Variants in TTC28 observed in about 807,000 individuals in gnomAD.
TTC28 encodes the protein tetratricopeptide repeat domain 28.
A neutral mutation model predicts 198.0 loss-of-function variants in TTC28; 61 were observed. That is an observed-to-expected ratio of 0.31 (90% CI 0.25 to 0.38). The LOEUF (loss-of-function observed/expected upper bound fraction) is 0.38, where lower values mean the gene tolerates loss of function less well. Ranked by LOEUF, TTC28 falls within the 10% of genes least tolerant of loss-of-function variation. The pLI is 1.00. For synonymous variants in TTC28, 1,171 were observed against 1,297.8 expected (o/e 0.90, Z 2.10); for missense variants, 2,678 against 3,164.0 (o/e 0.85, Z 3.69).
At chr22:28,447,210 G>A (rs758502292) in intron 2 of TTC28, among the ~76,000 whole-genome samples, 44 of 151,604 alleles carry the variant, frequency 2.9e-4, no homozygotes, top group Non-Finnish European at 5.6e-4. Context: ...AGAAAGGGAA[G>A]GCAAGTAACA....
intron 13 of TTC28, among the ~76,000 whole-genome samples, chr22:28,018,987 G>A (rs919278277): frequency 3.4e-4 from 52 of 152,338 alleles, no homozygotes; most frequent in African/African-American, 1.1e-3. Flanking sequence ...CACTGCAACA[G>A]TTAAAGCAAC....
intron 2 of TTC28, among the ~76,000 whole-genome samples, chr22:28,436,720 C>T (rs2047526292): frequency 6.6e-6 from 1 of 152,164 alleles, no homozygotes. Flanking sequence ...GAGCTAGGTG[C>T]CATTCACATT....
At position 28,647,860 on chromosome 22, in the gene TTC28, A is replaced by T. The variant is rs530502818; in HGVS notation, c.103-18030T>A. 1.1e-3 allele frequency among the ~76,000 whole-genome samples: 164 copies of T among 151,772 alleles called. 1 individual carries two copies. Among genetic ancestry groups the T allele is most frequent in the African/African-American group, 2.4e-3 (98 of 41,410 alleles). On this transcript the variant is annotated intron_variant, in intron 1 of 22. Transcript: ENST00000397906. ...TCTCAAAAATAAAATAAAATAAAAT[A>T]AAAATTAAAAAAGTGGGCAATAGAC...
Position 27,982,584 on chromosome 22 carries a change from C to G in TTC28, c.7083G>C (p.Lys2361Asn). Residue 2361 changes from lysine to asparagine, a missense_variant, in exon 23 of 23, where the codon AAG (lysine) becomes AAC (asparagine). Around this residue, in one of 8 missense-constraint regions of TTC28, gnomAD observed 622 missense variants for 656.0 expected, o/e 0.95. Coordinates refer to ENST00000397906, the MANE Select transcript of TTC28 (RefSeq NM_001145418.2). The surrounding 1 kb of genome is among the most constrained non-coding windows in gnomAD (Gnocchi z 5.2). ...DEKVQAVHNL[K>N]MFWQSTPQHS... ...GCTGGGGTGTGCTCTGCCAGAACAT[C>G]TTCAGGTTATGGACAGCCTGCACCT... 6.4e-7 allele frequency: 1 copy of G among 1,551,774 alleles called. No individual in the cohort carries two copies. The highest frequency in any genetic ancestry group is 8.7e-7 in the Non-Finnish European group (1 of 1,147,012).
intron 2 of TTC28, among the ~76,000 whole-genome samples, chr22:28,422,099 T>G: frequency 1.3e-5 from 2 of 151,926 alleles, no homozygotes; most frequent in Middle Eastern, 6.9e-3. Context: ...AGGAGAGGAG[T>G]AAATGAATAT....
chr22:28,005,217 C>G lies in TTC28; in HGVS notation c.4219-3664G>C, dbSNP rs185027346. Among the ~76,000 whole-genome samples the G allele has an allele frequency of 1.1e-4, 17 of 152,294 alleles. No homozygotes were observed. The East Asian group carries it at 3.1e-3, about 28-fold the overall frequency. On this transcript the variant is annotated intron_variant, in intron 14 of 22. Transcript: ENST00000397906. This position sits in a 1 kb window ranked among gnomAD's most constrained non-coding sequence, Gnocchi z 4.9. ...CCAGGCAGCAAATGATGCTTGAGAACTTACGGTGTTCCAGGCCAGGTGAGG... is the reference window on the plus strand; with the variant it reads ...CCAGGCAGCAAATGATGCTTGAGAAGTTACGGTGTTCCAGGCCAGGTGAGG...
chr22:28,011,388 G>A (rs1938157210), intron 14 of TTC28, among the ~76,000 whole-genome samples: 1 of 152,168 alleles, frequency 6.6e-6, no homozygotes, highest in Non-Finnish European at 1.5e-5. Flanking sequence ...CTGAGCCCAG[G>A]AGTTTGAAAC....
intron 10 of TTC28, among the ~76,000 whole-genome samples, chr22:28,096,946 A>G (rs1941998172): frequency 6.6e-6 from 1 of 152,072 alleles, no homozygotes. Flanking sequence ...CTGGGATTAC[A>G]GGCACGGGCC....
chr22:28,595,752 C>G (rs2050529406), intron 2 of TTC28, among the ~76,000 whole-genome samples: 1 of 152,118 alleles, frequency 6.6e-6, no homozygotes, highest in African/African-American at 2.4e-5. Flanking sequence ...GGTGAAACCC[C>G]ATCTCTACTA....
At position 28,199,532 on chromosome 22, in the gene TTC28, T is replaced by TAC. The variant is rs1246333294; in HGVS notation, c.934-35934_934-35933insGT. On this transcript the variant is annotated intron_variant, in intron 5 of 22. Coordinates refer to ENST00000397906, the MANE Select transcript of TTC28 (RefSeq NM_001145418.2). ...CTTCAAAAAAAGAAATACCTATACATATATATATATATATATACACACAAA... is the reference window on the plus strand; with the variant it reads ...CTTCAAAAAAAGAAATACCTATACATACATATATATATATATATACACACAAA... 8.9e-5 allele frequency among the ~76,000 whole-genome samples: 13 copies of TAC among 145,768 alleles called. No individual in the cohort carries two copies. In the East Asian group the frequency reaches 2.2e-3, roughly 25 times the overall value.
chr22:28,253,380 T>C (rs1002663917), intron 5 of TTC28, among the ~76,000 whole-genome samples: 10 of 152,202 alleles, frequency 6.6e-5, no homozygotes, highest in Non-Finnish European at 1.0e-4. Context: ...GACTGCAAAT[T>C]GCCTAAATCA....
intron 2 of TTC28, among the ~76,000 whole-genome samples, chr22:28,358,480 G>A (rs1274050635): frequency 6.6e-6 from 1 of 152,174 alleles, no homozygotes; most frequent in Non-Finnish European, 1.5e-5. Flanking sequence ...CTTCTGACTA[G>A]TTCCTTAGAG....
chr22:28,450,163 G>C (rs1428172973), intron 2 of TTC28, among the ~76,000 whole-genome samples: 4 of 152,084 alleles, frequency 2.6e-5, no homozygotes, highest in Non-Finnish European at 5.9e-5. Flanking sequence ...TTGACATGAT[G>C]ATGATGACAT....
intron 5 of TTC28, among the ~76,000 whole-genome samples, chr22:28,184,270 T>C (rs2080321729): frequency 6.6e-6 from 1 of 152,166 alleles, no homozygotes; most frequent in Admixed American, 6.5e-5. Context: ...CATTAAGCAA[T>C]TTTAAAGTCA....
At chr22:28,017,210 G>A (rs1282044709) in intron 13 of TTC28, among the ~76,000 whole-genome samples, 1 of 152,246 alleles carries the variant, frequency 6.6e-6, no homozygotes, top group African/African-American at 2.4e-5. Context: ...AGACCAGGCT[G>A]TGGATTCCAG....
intron 2 of TTC28, among the ~76,000 whole-genome samples, chr22:28,445,594 T>G (rs575615567): frequency 1.3e-5 from 2 of 152,290 alleles, no homozygotes; most frequent in South Asian, 4.1e-4. Context: ...TCCTATTCCC[T>G]TACTCAGCAC....
Position 28,603,812 on chromosome 22 carries a change from CA to C in TTC28, c.381+25739del, listed in dbSNP as rs749202203. Among the ~76,000 whole-genome samples, 331 of 152,080 alleles carry C rather than the reference CA, an allele frequency of 2.2e-3. 2 individuals are homozygous for C. Among genetic ancestry groups the C allele is most frequent in the Non-Finnish European group, 2.7e-3 (181 of 67,964 alleles). ...GTAAATCTCTGTAAGAAAAAAAAAT[CA>C]CGAAATTTAACCTGTGACTAAATTT... On this transcript the variant is annotated intron_variant, in intron 2 of 22. Transcript: ENST00000397906.
intron 3 of TTC28, among the ~76,000 whole-genome samples, chr22:28,299,923 A>T (rs1233753328): frequency 6.6e-6 from 1 of 152,150 alleles, no homozygotes; most frequent in Non-Finnish European, 1.5e-5. Flanking sequence ...AAACACATTG[A>T]GTGACTACTG....
At chr22:28,567,626 A>T (rs905884013) in intron 2 of TTC28, among the ~76,000 whole-genome samples, 1 of 151,070 alleles carries the variant, frequency 6.6e-6, no homozygotes, top group African/African-American at 2.4e-5. Flanking sequence ...ATTCTATAAC[A>T]AGTCAAACTA....
Sources: gnomAD v4.1 joint callset for allele counts (sites outside exome capture counted in the v4.1 genomes callset) on GRCh38, gnomAD v4.1.1 for gene constraint, gnomAD v4.1.1 regional missense constraint, Gnocchi (gnomAD v3.1) non-coding constraint, MANE v1.5 for transcripts, NCBI Gene and HGNC (gene_info 2026-07-23, HGNC 2026-07-21) for gene names.